Variants in DPP10 observed in about 807,000 individuals in gnomAD.
The protein encoded by DPP10 is inactive dipeptidyl peptidase 10.
DPP10 carries 33 observed loss-of-function variants against 120.9 expected under a neutral mutation model. The observed-to-expected ratio is 0.27, with a 90% confidence interval of 0.21 to 0.37. DPP10 has a LOEUF of 0.37. DPP10 is among the 10% of genes least tolerant of loss of function. The probability of loss-of-function intolerance (pLI) is 1.00; values close to 1 mark genes in which losing one functional copy is unlikely to be tolerated. For synonymous variants in DPP10, 337 were observed against 326.1 expected, an observed-to-expected ratio of 1.03 and a Z score of -0.36; for missense variants, 816 against 942.8, an observed-to-expected ratio of 0.87 and a Z score of 1.76.
rs545140179 is a variant in DPP10 at position 114,668,365 on chromosome 2, A to G, written c.60+225527A>G. Among the ~76,000 whole-genome samples the G allele has an allele frequency of 3.3e-5, 5 of 152,310 alleles. No individual in the cohort carries two copies. In the South Asian group the frequency reaches 1.0e-3, roughly 32 times the overall value. ...TGAATGTCCTAGCGCAGAAAGAAAG[A>G]GAGATCTTCCTCCACCTTTTTATTC... On this transcript the variant is annotated intron_variant, in intron 1 of 25. Coordinates refer to ENST00000410059, the MANE Select transcript of DPP10 (RefSeq NM_020868.6).
intron 5 of DPP10, among the ~76,000 whole-genome samples, chr2:115,612,862 CT>C (rs564852933): frequency 1.4e-3 from 197 of 145,002 alleles, no homozygotes; most frequent in Middle Eastern, 7.3e-3. Context: ...ACATCTGTAT[CT>C]TTTTTTTTTT....
intron 2 of DPP10, among the ~76,000 whole-genome samples, chr2:115,342,792 A>T (rs2063514788): frequency 6.6e-6 from 1 of 151,920 alleles, no homozygotes; most frequent in Admixed American, 6.6e-5. Flanking sequence ...TTTTACTATA[A>T]TTTTTTTTCC....
intron 1 of DPP10, among the ~76,000 whole-genome samples, chr2:114,767,134 AT>A (rs1680783405): frequency 1.3e-5 from 2 of 148,170 alleles, no homozygotes; most frequent in South Asian, 2.1e-4. Flanking sequence ...TAAAGCTAAA[AT>A]TAAAAAACAA....
intron 3 of DPP10, among the ~76,000 whole-genome samples, chr2:115,395,757 A>C (rs192122982): frequency 6.6e-6 from 1 of 151,926 alleles, no homozygotes; most frequent in South Asian, 2.1e-4. Context: ...TTAAATTTGC[A>C]TTATTTTACA....
intron 3 of DPP10, among the ~76,000 whole-genome samples, chr2:115,438,082 A>G (rs1574845316): frequency 6.6e-6 from 1 of 152,250 alleles, no homozygotes; most frequent in East Asian, 1.9e-4. Flanking sequence ...GAAATCTCAA[A>G]TTAAACAAAA....
At chr2:115,679,778 TG>T (rs2090522144) in intron 5 of DPP10, among the ~76,000 whole-genome samples, 1 of 152,122 alleles carries the variant, frequency 6.6e-6, no homozygotes. Context: ...CACTTGTACG[TG>T]GGAACAAAAA....
intron 1 of DPP10, among the ~76,000 whole-genome samples, chr2:114,897,810 A>G (rs991818507): frequency 6.6e-6 from 1 of 152,176 alleles, no homozygotes; most frequent in Admixed American, 6.5e-5. Context: ...ATCATCTCAC[A>G]CCAGTTAGAA....
intron 3 of DPP10, among the ~76,000 whole-genome samples, chr2:115,368,628 G>A (rs1403984831): frequency 6.6e-6 from 1 of 151,806 alleles, no homozygotes; most frequent in Non-Finnish European, 1.5e-5. Context: ...TTGTAGAAAT[G>A]TACTTATTAC....
At chr2:115,351,621 G>T (rs2064042022) in intron 3 of DPP10, among the ~76,000 whole-genome samples, 1 of 152,036 alleles carries the variant, frequency 6.6e-6, no homozygotes, top group African/African-American at 2.4e-5. Context: ...CCAGAGACTT[G>T]TAAATGAAAT....
chr2:115,074,189 A>T (rs890179165), intron 1 of DPP10, among the ~76,000 whole-genome samples: 3 of 151,728 alleles, frequency 2.0e-5, no homozygotes, highest in South Asian at 2.1e-4. Flanking sequence ...CTTTTTTAAA[A>T]TTTTTTTTCA....
chr2:115,055,662 G>C (rs1395604356), intron 1 of DPP10, among the ~76,000 whole-genome samples: 1 of 152,134 alleles, frequency 6.6e-6, no homozygotes, highest in Non-Finnish European at 1.5e-5. Context: ...AGTTGTCCAA[G>C]AGTAGTTTGA....
intron 1 of DPP10, among the ~76,000 whole-genome samples, chr2:115,225,551 CAG>C (rs2057394711): frequency 6.6e-6 from 1 of 151,268 alleles, no homozygotes; most frequent in East Asian, 1.9e-4. Flanking sequence ...ATCTGGAACT[CAG>C]GGAAGTTTAC....
chr2:114,955,697 C>G (rs1199904377), intron 1 of DPP10, among the ~76,000 whole-genome samples: 4 of 152,058 alleles, frequency 2.6e-5, no homozygotes, highest in Admixed American at 2.6e-4. Context: ...ACGTCCTCAG[C>G]AAAATATAGC....
At chr2:114,472,915 TCTC>T (rs549473438) in intron 1 of DPP10, among the ~76,000 whole-genome samples, 79 of 152,252 alleles carry the variant, frequency 5.2e-4, no homozygotes, top group African/African-American at 1.8e-3. Flanking sequence ...CCTTAGCCAA[TCTC>T]CTCCCATCAC....
intron 5 of DPP10, among the ~76,000 whole-genome samples, chr2:115,593,199 A>C (rs895171207): frequency 3.9e-5 from 6 of 152,216 alleles, no homozygotes; most frequent in Non-Finnish European, 8.8e-5. Context: ...GTGGCATTGC[A>C]GATGGGCTTT....
intron 5 of DPP10, among the ~76,000 whole-genome samples, chr2:115,573,318 T>C (rs1224002503): frequency 5.7e-5 from 8 of 139,856 alleles, no homozygotes; most frequent in Admixed American, 7.6e-5. Flanking sequence ...AGTCTTGCTC[T>C]GTCGCCCAGG....
At chr2:115,721,274 A>G (rs17652792) in intron 7 of DPP10, among the ~76,000 whole-genome samples, 12,931 of 152,184 alleles carry the variant, frequency 0.085, 686 homozygotes, top group Non-Finnish European at 0.11. Context: ...ATTTTCCCCA[A>G]TATTTTCCTA....
intron 5 of DPP10, among the ~76,000 whole-genome samples, chr2:115,684,368 T>C (rs1188558916): frequency 6.6e-6 from 1 of 151,834 alleles, no homozygotes; most frequent in African/African-American, 2.4e-5. Context: ...CACGACTCAC[T>C]CATCTTAAAA....
chr2:115,741,938 T>G (rs547064826), intron 9 of DPP10, among the ~76,000 whole-genome samples: 71 of 152,274 alleles, frequency 4.7e-4, no homozygotes, highest in African/African-American at 1.7e-3. Context: ...AGATACTGGA[T>G]ATGAACCTAG....
Sources: gnomAD v4.1 joint callset for allele counts (sites outside exome capture counted in the v4.1 genomes callset) on GRCh38, gnomAD v4.1.1 for gene constraint, MANE v1.5 for transcripts, NCBI Gene and HGNC (gene_info 2026-07-23, HGNC 2026-07-21) for gene names.